The following PLSCR5 variants were observed in gnomAD, a reference collection of about 807,000 sequenced individuals.
PLSCR5 encodes phospholipid scramblase family, member 5.
PLSCR5 carries 44 observed loss-of-function variants against 33.6 expected under a neutral mutation model. The ratio of observed to expected loss-of-function variants is 1.31; its 90% confidence interval spans 1.03 to 1.69. PLSCR5 has a LOEUF of 1.69. Among genes scored for constraint, PLSCR5 ranks in the 40% most tolerant of loss-of-function variants. The probability of loss-of-function intolerance (pLI) is 0.00; values close to 1 mark genes in which losing one functional copy is unlikely to be tolerated. For missense variants in PLSCR5, 375 were observed against 318.7 expected (o/e 1.18, Z -1.34); for synonymous variants, 148 against 112.3 (o/e 1.32, Z -2.01).
At position 146,591,735 on chromosome 3, in the gene PLSCR5, G is replaced by A. The variant is rs370414280; in HGVS notation, c.600C>T (p.Gly200=). The change falls in exon 5 of 8, where the codon GGC becomes GGT. Residue 200 remains glycine (G), a synonymous_variant. Coordinates refer to ENST00000443512, the MANE Select transcript of PLSCR5 (RefSeq NM_001085420.2). ...TCAATTGTACCTCAAAATCCACATC[G>A]CCAAAACAGCCACATGTCACACAAG... ...VGPCVTCGCF[G]DVDFEVKTIN... is the part of the protein sequence containing the mutation. The A allele has an allele frequency of 2.2e-4, 356 of 1,609,164 alleles. 4 individuals carry two copies. The Middle Eastern group carries it at 5.6e-3, about 25-fold the overall frequency.
At position 146,600,331 on chromosome 3, in the gene PLSCR5, A is replaced by C. The variant is rs1260133137; in HGVS notation, c.146T>G (p.Leu49Arg). The change falls in exon 2 of 8, where the codon CTG becomes CGG. Residue 49 changes from leucine to arginine, a missense_variant. Transcript: ENST00000443512. Reference protein sequence around the residue: ...QLSLPLPSSFLPTVSLPPGLE... With the variant: ...QLSLPLPSSFRPTVSLPPGLE... ...ACCAGGAGGGAGACTGACTGTTGGC[A>C]GGAAACTGCTTGGCAGAGGGAGACT... is the stretch of plus-strand genomic sequence containing the variant. 6.2e-7 allele frequency: 1 copy of C among 1,605,578 alleles called. No individual in the cohort carries two copies.
chr3:146,593,226 G>T (rs1173394949), intron 4 of PLSCR5, among the ~76,000 whole-genome samples: 1 of 152,056 alleles, frequency 6.6e-6, no homozygotes, highest in Non-Finnish European at 1.5e-5. Flanking sequence ...ACTGCCAAAT[G>T]TAGAGAGTAA....
chr3:146,578,805 G>T (rs1387080915), intron 7 of PLSCR5, among the ~76,000 whole-genome samples: 2 of 151,774 alleles, frequency 1.3e-5, no homozygotes, highest in African/African-American at 4.8e-5. Flanking sequence ...ATCTCTTATA[G>T]TTCCATTGTA....
chr3:146,598,728 AC>A (rs950303812), intron 2 of PLSCR5, among the ~76,000 whole-genome samples: 7 of 152,182 alleles, frequency 4.6e-5, no homozygotes, highest in Non-Finnish European at 8.8e-5. Context: ...ACATTCCCAA[AC>A]AGCTTGCAGC....
intron 6 of PLSCR5, among the ~76,000 whole-genome samples, chr3:146,588,725 T>C (rs1450746926): frequency 6.6e-6 from 1 of 152,152 alleles, no homozygotes; most frequent in Non-Finnish European, 1.5e-5. Flanking sequence ...GATTAGATAA[T>C]AGCATTGAAT....
chr3:146,580,612 C>T (rs1245985614), intron 7 of PLSCR5, among the ~76,000 whole-genome samples: 1 of 151,780 alleles, frequency 6.6e-6, no homozygotes, highest in Non-Finnish European at 1.5e-5. Flanking sequence ...CTACAGGCCA[C>T]GCTGCCATGC....
Position 146,591,868 on chromosome 3 carries a change from GC to G in PLSCR5, c.466del (p.Ala156ProfsTer6). ...PCYLQELEIQ[A>X]PPGTIVGYVT... is the part of the protein sequence containing the mutation. ...GTAACCAACTATAGTACCAGGAGGG[GC>G]TTGGATTTCTAACTGTAAGAAGAGA... is the stretch of plus-strand genomic sequence containing the variant. On this transcript the variant is annotated frameshift_variant, in exon 5 of 8. Coordinates refer to ENST00000443512, the MANE Select transcript of PLSCR5 (RefSeq NM_001085420.2). LOFTEE classifies it high-confidence loss of function. 6.2e-7 allele frequency: 1 copy of G among 1,601,470 alleles called. No individual in the cohort carries two copies. Among genetic ancestry groups the G allele is most frequent in the South Asian group, 1.1e-5 (1 of 88,214 alleles).
At chr3:146,598,220 A>C (rs535008335) in intron 2 of PLSCR5, among the ~76,000 whole-genome samples, 96 of 152,242 alleles carry the variant, frequency 6.3e-4, no homozygotes, top group African/African-American at 2.3e-3. Context: ...TTATTCATTG[A>C]TTAATGTACT....
chr3:146,589,717 A>T lies in PLSCR5; in HGVS notation c.713T>A (p.Ile238Asn). 6.2e-7 allele frequency: 1 copy of T among 1,604,988 alleles called. No homozygotes were observed. The highest frequency in any genetic ancestry group is 8.5e-7 in the Non-Finnish European group (1 of 1,173,114). ...DVFTNADNFG[I>N]HVPADLDVTV... ...TACATCTAGATCTGCAGGAACATGA[A>T]TTCCGAAATTGTCAGCATTTGTGAA... The change falls in exon 6 of 8, where the codon ATT (isoleucine) becomes AAT (asparagine). Residue 238 changes from isoleucine (I) to asparagine (N), a missense_variant. Ile to Asn is a moderately radical substitution (Grantham distance 149, BLOSUM62 -3). Transcript: ENST00000443512.
rs546842734 is a variant in PLSCR5, at chr3:146,591,417, T to A, written c.615+303A>T. 2.0e-5 allele frequency among the ~76,000 whole-genome samples: 3 copies of A among 152,174 alleles called. No homozygotes were observed. In the South Asian group the frequency reaches 6.2e-4, roughly 31 times the overall value. On this transcript the variant is annotated intron_variant, in intron 5 of 7. Transcript: ENST00000443512. ...AGAATTATATTTAGCTAAACATGCT[T>A]TTATTATAGTAAAATTTATTAATAT...
chr3:146,578,677 A>C (rs975691573), intron 7 of PLSCR5, among the ~76,000 whole-genome samples: 1 of 152,144 alleles, frequency 6.6e-6, no homozygotes, highest in Non-Finnish European at 1.5e-5. Flanking sequence ...GTTTGTAAGA[A>C]GTCTAGCCCA....
At chr3:146,578,459 A>G (rs1411270253) in intron 7 of PLSCR5, among the ~76,000 whole-genome samples, 1 of 149,506 alleles carries the variant, frequency 6.7e-6, no homozygotes. Flanking sequence ...TCTCTCCCCT[A>G]GTTTTTTGGC....
intron 6 of PLSCR5, among the ~76,000 whole-genome samples, chr3:146,588,822 G>A (rs2044686219): frequency 6.6e-6 from 1 of 152,078 alleles, no homozygotes; most frequent in African/African-American, 2.4e-5. Flanking sequence ...ATATAATTAG[G>A]GGAAAAGGCA....
At chr3:146,587,708 G>A (rs930559381) in intron 6 of PLSCR5, among the ~76,000 whole-genome samples, 2 of 152,054 alleles carry the variant, frequency 1.3e-5, no homozygotes, top group African/African-American at 2.4e-5. Flanking sequence ...AGATGAAAAT[G>A]GGAGTTGAGA....
chr3:146,598,131 CTT>C (rs1310176411), intron 2 of PLSCR5, among the ~76,000 whole-genome samples: 1 of 151,940 alleles, frequency 6.6e-6, no homozygotes, highest in African/African-American at 2.4e-5. Flanking sequence ...ATTGGATGGA[CTT>C]GATTAAAAGA....
At position 146,595,078 on chromosome 3, in the gene PLSCR5, G is replaced by A. The variant is rs1352980620; in HGVS notation, c.195C>T (p.Asp65=). ...PPGLEYLSQL[D]LIIIHQQVEL... is the part of the protein sequence containing the mutation. ...CCACCTGCTGGTGTATAATTATCAG[G>A]TCTAACTGTAAAGGATGACATAAAA... Residue 65 remains aspartate (D), a synonymous_variant, in exon 3 of 8, where the codon GAC becomes GAT. Coordinates refer to ENST00000443512, the MANE Select transcript of PLSCR5 (RefSeq NM_001085420.2). 7.0e-7 allele frequency: 1 copy of A among 1,418,722 alleles called. No individual in the cohort carries two copies. The highest frequency in any genetic ancestry group is 2.3e-5 in the Admixed American group (1 of 42,566). The allele number at this position is 1,418,722 out of a possible 1,614,324, so 87.9% of individuals were successfully genotyped here. A position where few individuals can be genotyped will look rare whatever the true frequency, so the allele number is the denominator to read the frequency against.
chr3:146,604,084 C>G (rs343339), intron 1 of PLSCR5, among the ~76,000 whole-genome samples: 62,118 of 151,800 alleles, frequency 0.41, 12,792 homozygotes, highest in East Asian at 0.57. Flanking sequence ...GAATGGATCA[C>G]TAATTTAGGA....
At chr3:146,601,178 CTT>C (rs1295676437) in intron 1 of PLSCR5, among the ~76,000 whole-genome samples, 1 of 151,596 alleles carries the variant, frequency 6.6e-6, no homozygotes, top group Non-Finnish European at 1.5e-5. Flanking sequence ...TTTTAATCAT[CTT>C]TTATTTTGAA....
chr3:146,578,311 T>C (rs543250026), intron 7 of PLSCR5, among the ~76,000 whole-genome samples: 45 of 152,262 alleles, frequency 3.0e-4, no homozygotes, highest in South Asian at 1.7e-3. Context: ...ACCACAAAGA[T>C]AACCACAGAA....
Sources: gnomAD v4.1 joint callset for allele counts (sites outside exome capture counted in the v4.1 genomes callset) on GRCh38, gnomAD v4.1.1 for gene constraint, MANE v1.5 for transcripts, NCBI Gene and HGNC (gene_info 2026-07-23, HGNC 2026-07-21) for gene names.